The following PEX5L variants were observed in gnomAD, a reference collection of about 807,000 sequenced individuals.
PEX5L encodes the protein peroxisomal biogenesis factor 5 like, also known as PEX5-related protein.
A neutral mutation model predicts 84.0 loss-of-function variants in PEX5L; 30 were observed. That is an observed-to-expected ratio of 0.36 (90% CI 0.27 to 0.48). The LOEUF (loss-of-function observed/expected upper bound fraction) is 0.48, where lower values mean the gene tolerates loss of function less well. Among genes scored for constraint, PEX5L ranks in the 20% least tolerant of loss-of-function variants. The probability of loss-of-function intolerance (pLI) is 0.99; values close to 1 mark genes in which losing one functional copy is unlikely to be tolerated. For synonymous variants in PEX5L, 270 were observed against 283.1 expected (o/e 0.95, Z 0.46); for missense variants, 533 against 754.6 (o/e 0.71, Z 3.44).
At chr3:179,845,224 G>A (rs1428850191) in intron 8 of PEX5L, among the ~76,000 whole-genome samples, 3 of 152,106 alleles carry the variant, frequency 2.0e-5, no homozygotes, top group Non-Finnish European at 1.5e-5. Context: ...TGGGGCTTGA[G>A]GTTATTTATT....
At chr3:179,823,715 G>A (rs1341358486) in intron 8 of PEX5L, among the ~76,000 whole-genome samples, 1 of 152,134 alleles carries the variant, frequency 6.6e-6, no homozygotes, top group Non-Finnish European at 1.5e-5. Context: ...CTGTGTTAGT[G>A]GTTTGAAAGA....
At chr3:180,002,121 C>G (rs1039182495) in intron 1 of PEX5L, among the ~76,000 whole-genome samples, 3 of 152,074 alleles carry the variant, frequency 2.0e-5, no homozygotes, top group Admixed American at 2.0e-4. Context: ...GTACCATGAA[C>G]TTCTCAACTT....
chr3:179,803,406 T>C (rs967383785), intron 14 of PEX5L, among the ~76,000 whole-genome samples: 2 of 152,146 alleles, frequency 1.3e-5, no homozygotes, highest in Non-Finnish European at 2.9e-5. Context: ...CCCTTTTAGG[T>C]TCTCAATAAT....
At chr3:179,845,665 G>A (rs1168770970) in intron 8 of PEX5L, among the ~76,000 whole-genome samples, 1 of 152,188 alleles carries the variant, frequency 6.6e-6, no homozygotes, top group African/African-American at 2.4e-5. Flanking sequence ...CCAAGGAAAA[G>A]TGCAAATGTG....
chr3:180,009,598 C>T (rs549193708), intron 1 of PEX5L, among the ~76,000 whole-genome samples: 4 of 151,046 alleles, frequency 2.6e-5, no homozygotes, highest in South Asian at 4.2e-4. Flanking sequence ...TTTTTAGAAA[C>T]AAGGTGACAG....
At chr3:179,971,333 T>C (rs190096899) in intron 2 of PEX5L, among the ~76,000 whole-genome samples, 8 of 152,290 alleles carry the variant, frequency 5.3e-5, no homozygotes, top group African/African-American at 1.7e-4. Context: ...TATCAAGAGA[T>C]GCCTTTAATT....
At chr3:179,914,006 A>C (rs1254252921) in intron 2 of PEX5L, among the ~76,000 whole-genome samples, 1 of 152,198 alleles carries the variant, frequency 6.6e-6, no homozygotes, top group African/African-American at 2.4e-5. Context: ...ATTTCTCTGT[A>C]TATGATATTT....
chr3:179,959,325 T>C (rs1356782210), intron 2 of PEX5L, among the ~76,000 whole-genome samples: 1 of 152,180 alleles, frequency 6.6e-6, no homozygotes, highest in Non-Finnish European at 1.5e-5. Context: ...CACATCTTAG[T>C]TCTTAGAGTT....
At position 179,888,079 on chromosome 3, in the gene PEX5L, G is replaced by A. The variant is rs190928262; in HGVS notation, c.199-295C>T. 7.8e-5 allele frequency: 80 copies of A among 1,028,564 alleles called. 1 individual carries two copies. In the Admixed American group the frequency reaches 1.7e-3, roughly 21 times the overall value. 63.7% of individuals were successfully genotyped at this position (1,028,564 alleles called of 1,614,324 possible). ...AATTTCAATATATAGAAAATGACAC[G>A]TATTGAATCATAGTTGCTAAGGGCC... On this transcript the variant is annotated intron_variant, in intron 3 of 14. Coordinates refer to ENST00000467460, the MANE Select transcript of PEX5L (RefSeq NM_016559.3).
At chr3:179,838,720 A>T (rs992760037) in intron 8 of PEX5L, among the ~76,000 whole-genome samples, 1 of 152,214 alleles carries the variant, frequency 6.6e-6, no homozygotes, top group African/African-American at 2.4e-5. Flanking sequence ...GACAAATAAT[A>T]GATGCTTGAT....
chr3:179,852,370 C>T (rs1742252264), intron 8 of PEX5L, among the ~76,000 whole-genome samples: 1 of 152,162 alleles, frequency 6.6e-6, no homozygotes, highest in African/African-American at 2.4e-5. Flanking sequence ...ACAGTATATA[C>T]AATGACCTAA....
intron 1 of PEX5L, among the ~76,000 whole-genome samples, chr3:180,010,425 T>C (rs1056482042): frequency 1.3e-5 from 2 of 151,766 alleles, no homozygotes; most frequent in Non-Finnish European, 2.9e-5. Context: ...ACAACAGGCA[T>C]GAAGGCACTC....
chr3:179,969,048 G>A (rs1206068801), intron 2 of PEX5L, among the ~76,000 whole-genome samples: 1 of 151,966 alleles, frequency 6.6e-6, no homozygotes, highest in Non-Finnish European at 1.5e-5. Flanking sequence ...GCTTTCCGTG[G>A]AAGTACAAGA....
intron 2 of PEX5L, among the ~76,000 whole-genome samples, chr3:179,952,364 G>A (rs988364506): frequency 2.0e-5 from 3 of 152,014 alleles, no homozygotes; most frequent in East Asian, 1.9e-4. Context: ...AGGGTCTACC[G>A]CCTTTGCTAA....
At chr3:179,830,141 T>G (rs1011492258) in intron 8 of PEX5L, among the ~76,000 whole-genome samples, 5 of 152,020 alleles carry the variant, frequency 3.3e-5, no homozygotes, top group South Asian at 4.2e-4. Flanking sequence ...CCTTTTACTT[T>G]GTGGAAATAG....
chr3:179,981,775 C>G (rs1327276159), intron 1 of PEX5L, among the ~76,000 whole-genome samples: 1 of 150,520 alleles, frequency 6.6e-6, no homozygotes, highest in East Asian at 2.0e-4. Context: ...TAAACAGTAT[C>G]TAAACTGTTC....
At chr3:179,831,298 T>C (rs1577363282) in intron 8 of PEX5L, among the ~76,000 whole-genome samples, 2 of 147,518 alleles carry the variant, frequency 1.4e-5, no homozygotes, top group East Asian at 4.0e-4. Context: ...CCAGCCTGGG[T>C]GACAGGGCGA....
At chr3:179,804,313 T>C (rs1577086818) in intron 14 of PEX5L, 1 of 152,296 alleles carries the variant, frequency 6.6e-6, no homozygotes, top group East Asian at 1.9e-4. Context: ...GTATAAATAA[T>C]TTTAAATGTT....
At chr3:179,908,076 G>A (rs1161099168) in intron 2 of PEX5L, among the ~76,000 whole-genome samples, 1 of 152,186 alleles carries the variant, frequency 6.6e-6, no homozygotes, top group Non-Finnish European at 1.5e-5. Context: ...GAGACTTTGG[G>A]AATTCCTATT....
Sources: gnomAD v4.1 joint callset for allele counts (sites outside exome capture counted in the v4.1 genomes callset) on GRCh38, gnomAD v4.1.1 for gene constraint, MANE v1.5 for transcripts, NCBI Gene and HGNC (gene_info 2026-07-23, HGNC 2026-07-21) for gene names.